The following HIP1 variants were observed in gnomAD, a reference collection of about 807,000 sequenced individuals.
HIP1 encodes the protein huntingtin-interacting protein 1.
A neutral mutation model predicts 147.6 loss-of-function variants in HIP1; 65 were observed. The ratio of observed to expected loss-of-function variants is 0.44; its 90% confidence interval spans 0.36 to 0.54. The LOEUF (loss-of-function observed/expected upper bound fraction) is 0.54. Ranked by LOEUF, HIP1 falls within the 20% of genes least tolerant of loss-of-function variation. The pLI, the probability that HIP1 is intolerant of heterozygous loss-of-function variation, is 0.00. For missense variants in HIP1, 1,061 were observed against 1,299.6 expected, an observed-to-expected ratio of 0.82 and a Z score of 2.82; for synonymous variants, 479 against 504.0, an observed-to-expected ratio of 0.95 and a Z score of 0.67.
At position 75,590,038 on chromosome 7, in the gene HIP1, C is replaced by T. The variant is rs1446602460; in HGVS notation, c.384+2018G>A. ...ATGAGCCACTGCGCCTGGCCAAAAACGACATTCTTAAACAAGCAAACACAG... is the reference window on the plus strand; with the variant it reads ...ATGAGCCACTGCGCCTGGCCAAAAATGACATTCTTAAACAAGCAAACACAG... On this transcript the variant is annotated intron_variant, in intron 4 of 30. Coordinates refer to ENST00000336926, the MANE Select transcript of HIP1 (RefSeq NM_005338.7). Among the ~76,000 whole-genome samples, 6 of 152,020 alleles carry T rather than the reference C, an allele frequency of 3.9e-5. No homozygotes were observed. In the South Asian group the frequency reaches 1.0e-3, roughly 26 times the overall value.
chr7:75,548,027 C>T lies in HIP1; in HGVS notation c.2407-214G>A, dbSNP rs587691421. The stretch of plus-strand genomic sequence containing the variant: ...GCTGCAGTGGGCTGGCTCTGTGATC[C>T]GTGTCATTTTGTTTTGTTTTGAGAT... On this transcript the variant is annotated intron_variant, in intron 23 of 30. Coordinates refer to ENST00000336926, the MANE Select transcript of HIP1 (RefSeq NM_005338.7). Among the ~76,000 whole-genome samples, 31 of 151,672 alleles carry T rather than the reference C, an allele frequency of 2.0e-4. No individual in the cohort carries two copies. The South Asian group carries it at 5.8e-3, about 29-fold the overall frequency.
At chr7:75,551,765 C>T (rs1794792595) in intron 22 of HIP1, among the ~76,000 whole-genome samples, 1 of 145,544 alleles carries the variant, frequency 6.9e-6, no homozygotes, top group Non-Finnish European at 1.5e-5. Flanking sequence ...AGACAGGGCG[C>T]CACTAAGTTG....
intron 4 of HIP1, among the ~76,000 whole-genome samples, chr7:75,591,465 C>A (rs1227940053): frequency 1.3e-5 from 2 of 152,102 alleles, no homozygotes; most frequent in Non-Finnish European, 2.9e-5. Flanking sequence ...CTACCTCCCC[C>A]CTCATCCTAA....
intron 27 of HIP1, among the ~76,000 whole-genome samples, chr7:75,543,999 C>T (rs1431785570): frequency 6.6e-6 from 1 of 152,044 alleles, no homozygotes; most frequent in African/African-American, 2.4e-5. Flanking sequence ...GGTGAAACCC[C>T]GTCTCCACTA....
chr7:75,659,857 G>C (rs537868160), intron 1 of HIP1, among the ~76,000 whole-genome samples: 1 of 152,196 alleles, frequency 6.6e-6, no homozygotes, highest in East Asian at 1.9e-4. Flanking sequence ...CCTGGGGGTG[G>C]TGGCTCACAC....
chr7:75,728,297 C>T (rs1801718288), intron 1 of HIP1, among the ~76,000 whole-genome samples: 1 of 152,186 alleles, frequency 6.6e-6, no homozygotes, highest in African/African-American at 2.4e-5. Context: ...AATCACGGTC[C>T]CTCTCCCCTC....
At position 75,639,223 on chromosome 7, in the gene HIP1, A is replaced by T; in HGVS notation, c.121-39976T>A. The T allele has an allele frequency of 4.1e-6, 4 of 978,342 alleles. No homozygotes were observed. The South Asian group carries it at 1.4e-4, about 35-fold the overall frequency. 60.6% of individuals were successfully genotyped at this position (978,342 alleles called of 1,614,324 possible). On this transcript the variant is annotated intron_variant, in intron 1 of 30. Transcript: ENST00000336926. ...AGGCGGCGGCGGCGGCGGCGGCACCAAGGCTGGACCGGAGAAAGGAAGGGG... is the reference window on the plus strand; with the variant it reads ...AGGCGGCGGCGGCGGCGGCGGCACCTAGGCTGGACCGGAGAAAGGAAGGGG...
intron 2 of HIP1, among the ~76,000 whole-genome samples, chr7:75,596,626 T>C (rs1672153307): frequency 1.3e-5 from 2 of 152,174 alleles, no homozygotes; most frequent in African/African-American, 4.8e-5. Flanking sequence ...CCTCAGGTCA[T>C]CCATCCGCCT....
At chr7:75,561,219 G>T (rs1458966566) in intron 13 of HIP1, 110 bp downstream of exon 13, 9 of 858,852 alleles carry the variant, frequency 1.0e-5, no homozygotes, top group Non-Finnish European at 1.6e-5. Context: ...CTCCCAAAGT[G>T]CTAGGATTAC....
intron 14 of HIP1, among the ~76,000 whole-genome samples, 166 bp from the exon 15 acceptor site, chr7:75,558,421 T>C (rs751887966): frequency 2.6e-5 from 4 of 152,162 alleles, no homozygotes; most frequent in Non-Finnish European, 5.9e-5. Flanking sequence ...ACTGCAGCCT[T>C]GACCTCCTTG....
Position 75,537,455 on chromosome 7 carries a change from G to C in HIP1, c.*717C>G, listed in dbSNP as rs1432994643. On this transcript the variant is annotated 3_prime_UTR_variant, in exon 31 of 31. Transcript: ENST00000336926. ...ATCGCTGGAGCTACCACAGTTGGGG[G>C]GCCCTGGAGACTCAGCCCCAGGGGT... 1 of 232,616 alleles carries C rather than the reference G, an allele frequency of 4.3e-6. No homozygotes were observed. The highest frequency in any genetic ancestry group is 2.2e-5 in the African/African-American group (1 of 45,174). The allele number at this position is 232,616 out of a possible 1,614,324, so 14.4% of individuals were successfully genotyped here.
rs183645060 is a variant in HIP1, at chr7:75,584,704, C to T, written c.465+2049G>A. Among the ~76,000 whole-genome samples the T allele has an allele frequency of 2.6e-5, 4 of 152,208 alleles. No homozygotes were observed. In the East Asian group the frequency reaches 5.8e-4, roughly 22 times the overall value. ...GGGACCCCTTTGGCCTCTATCAGCC[C>T]CGCAGCCCCACTGCCCCAGCTCCCA... is the stretch of plus-strand genomic sequence containing the variant. On this transcript the variant is annotated intron_variant, in intron 5 of 30. Coordinates refer to ENST00000336926, the MANE Select transcript of HIP1 (RefSeq NM_005338.7).
At position 75,663,980 on chromosome 7, in the gene HIP1, A is replaced by ATG. The variant is rs1269195973; in HGVS notation, c.121-64735_121-64734dup. On this transcript the variant is annotated intron_variant, in intron 1 of 30. Coordinates refer to ENST00000336926, the MANE Select transcript of HIP1 (RefSeq NM_005338.7). ...TATGTGTATATATATATACACATAT[A>ATG]TGTGTATATATATACACATATATGT... is the stretch of plus-strand genomic sequence containing the variant. 4.9e-3 allele frequency among the ~76,000 whole-genome samples: 66 copies of ATG among 13,426 alleles called. 17 individuals carry two copies. Among genetic ancestry groups the ATG allele is most frequent in the Admixed American group, 0.015 (13 of 876 alleles). 8.8% of individuals were successfully genotyped at this position (13,426 alleles called of 152,430 possible).
At chr7:75,665,546 A>ATT (rs11437703) in intron 1 of HIP1, among the ~76,000 whole-genome samples, 19,177 of 144,628 alleles carry the variant, frequency 0.13, 1,340 homozygotes, top group African/African-American at 0.19. Context: ...TTCCGTAGTC[A>ATT]TTTTTTTTTT....
At chr7:75,703,764 C>T (rs1358420689) in intron 1 of HIP1, among the ~76,000 whole-genome samples, 2 of 152,116 alleles carry the variant, frequency 1.3e-5, no homozygotes, top group Admixed American at 6.6e-5. Context: ...TAAAGTAGAT[C>T]GATCATTTCA....
Position 75,534,435 on chromosome 7 carries a change from C to T in HIP1, c.*3737G>A, listed in dbSNP as rs1214116075. The T allele has an allele frequency of 2.7e-5, 5 of 183,846 alleles. No homozygotes were observed. Among genetic ancestry groups the T allele is most frequent in the African/African-American group, 5.1e-5 (2 of 39,174 alleles). 11.4% of individuals were successfully genotyped at this position (183,846 alleles called of 1,614,324 possible). ...TTCTCTTCTATTTCTTTCTCTCTCT[C>T]TCTCTTTTTTTTTTTTGAGATGGAG... On this transcript the variant is annotated 3_prime_UTR_variant, in exon 31 of 31. Coordinates refer to ENST00000336926, the MANE Select transcript of HIP1 (RefSeq NM_005338.7).
chr7:75,650,461 T>C (rs1435831494), intron 1 of HIP1, among the ~76,000 whole-genome samples: 2 of 149,594 alleles, frequency 1.3e-5, no homozygotes, highest in African/African-American at 4.9e-5. Flanking sequence ...ATCTTTTTTT[T>C]TTTTTTTTTG....
In HIP1 at chr7:75,544,812, C is replaced by T. The variant is rs371326377; in HGVS notation, c.2661-12G>A. 1.6e-5 allele frequency: 25 copies of T among 1,531,858 alleles called. No homozygotes were observed. Among genetic ancestry groups the T allele is most frequent in the Middle Eastern group, 3.4e-4 (2 of 5,908 alleles). The allele number at this position is 1,531,858 out of a possible 1,614,324, so 94.9% of individuals were successfully genotyped here. A position where few individuals can be genotyped will look rare whatever the true frequency, so the allele number is the denominator to read the frequency against. ...GATCAGCTGCATCCCTGATGGAAAACGACAAGAGGGACTAGGTTACGGGCA... is the reference window on the plus strand; with the variant it reads ...GATCAGCTGCATCCCTGATGGAAAATGACAAGAGGGACTAGGTTACGGGCA... On this transcript the variant is annotated splice_polypyrimidine_tract_variant and intron_variant, in intron 26 of 30. Coordinates refer to ENST00000336926, the MANE Select transcript of HIP1 (RefSeq NM_005338.7).
intron 8 of HIP1, 143 bp downstream of exon 8, chr7:75,573,618 G>A: frequency 1.2e-6 from 1 of 807,324 alleles, no homozygotes; most frequent in African/African-American, 1.7e-5. Context: ...CCTCACAATG[G>A]TCAGAAGCTC....
Sources: allele counts gnomAD v4.1 joint callset (sites outside exome capture counted in the v4.1 genomes callset), GRCh38; gene constraint gnomAD v4.1.1; transcripts MANE v1.5; gene names NCBI Gene and HGNC (gene_info 2026-07-23, HGNC 2026-07-21).